Variants in NKAIN2 observed in about 807,000 individuals in gnomAD.
NKAIN2 encodes the protein sodium/potassium transporting ATPase interacting 2.
NKAIN2 carries 14 observed loss-of-function variants against 32.6 expected under a neutral mutation model. The observed-to-expected ratio is 0.43, with a 90% CI of 0.28 to 0.67. The LOEUF is 0.67. Ranked by LOEUF, NKAIN2 falls within the 30% of genes least tolerant of loss-of-function variation. NKAIN2 has a pLI of 0.17. For synonymous variants in NKAIN2, 80 were observed against 87.2 expected, an observed-to-expected ratio of 0.92 and a Z score of 0.46; for missense variants, 198 against 258.3, an observed-to-expected ratio of 0.77 and a Z score of 1.60.
At chr6:124,554,122 T>C (rs1780388615) in intron 3 of NKAIN2, among the ~76,000 whole-genome samples, 1 of 152,260 alleles carries the variant, frequency 6.6e-6, no homozygotes, top group South Asian at 2.1e-4. Flanking sequence ...ACTAAGATTA[T>C]TGTCTTTGCT....
At chr6:124,508,060 C>A (rs1778557019) in intron 3 of NKAIN2, among the ~76,000 whole-genome samples, 1 of 149,932 alleles carries the variant, frequency 6.7e-6, no homozygotes, top group Admixed American at 6.7e-5. Flanking sequence ...TGAGACCAGC[C>A]TGGGCAATAT....
At chr6:123,805,850 ATTC>A (rs148929732) in intron 1 of NKAIN2, among the ~76,000 whole-genome samples, 1,409 of 135,840 alleles carry the variant, frequency 0.01, 24 homozygotes, top group African/African-American at 0.036. Context: ...TGTGTAGATC[ATTC>A]TTATGCTCTT....
At chr6:124,719,151 T>C (rs892862348) in intron 4 of NKAIN2, among the ~76,000 whole-genome samples, 1 of 152,222 alleles carries the variant, frequency 6.6e-6, no homozygotes, top group African/African-American at 2.4e-5. Flanking sequence ...TTTTCCATAA[T>C]ATTCTTAGGA....
chr6:124,810,557 A>G (rs12529256), intron 5 of NKAIN2, among the ~76,000 whole-genome samples: 45,263 of 151,960 alleles, frequency 0.3, 7,186 homozygotes, highest in East Asian at 0.61. Flanking sequence ...TGGGTGCAGC[A>G]CACCAGCATG....
At chr6:124,505,884 G>T (rs1158516367) in intron 3 of NKAIN2, among the ~76,000 whole-genome samples, 1 of 152,020 alleles carries the variant, frequency 6.6e-6, no homozygotes, top group Non-Finnish European at 1.5e-5. Flanking sequence ...TATTAAGATT[G>T]TTTCCCGGGC....
At chr6:123,995,195 A>G (rs916995627) in intron 1 of NKAIN2, among the ~76,000 whole-genome samples, 2 of 152,234 alleles carry the variant, frequency 1.3e-5, no homozygotes, top group Non-Finnish European at 2.9e-5. Flanking sequence ...AGATGAATTC[A>G]AAAGATTTTG....
chr6:123,911,321 G>A (rs945530145), intron 1 of NKAIN2, among the ~76,000 whole-genome samples: 7 of 152,108 alleles, frequency 4.6e-5, no homozygotes, highest in Non-Finnish European at 8.8e-5. Flanking sequence ...TACTTCTGGT[G>A]AGGGCCTCAG....
chr6:124,725,498 G>C (rs1776235414), intron 4 of NKAIN2, among the ~76,000 whole-genome samples: 1 of 152,116 alleles, frequency 6.6e-6, no homozygotes, highest in African/African-American at 2.4e-5. Flanking sequence ...AGATCTTTTA[G>C]AGAAAGAATC....
chr6:124,467,302 A>G lies in NKAIN2; in HGVS notation c.273+111955A>G, dbSNP rs17051892. On this transcript the variant is annotated intron_variant, in intron 3 of 6. Coordinates refer to ENST00000368417, the MANE Select transcript of NKAIN2 (RefSeq NM_001040214.3). ...TAGAATTATCCAAGAAAACAACATC[A>G]GGAAGAAAAATTAGTTTGATGCATG... Among the ~76,000 whole-genome samples the G allele has an allele frequency of 5.6e-3, 858 of 152,236 alleles. 18 individuals are homozygous for G. Among genetic ancestry groups the G allele is most frequent in the East Asian group, 0.038 (196 of 5,178 alleles).
chr6:123,855,102 A>C (rs1775505596), intron 1 of NKAIN2, among the ~76,000 whole-genome samples: 1 of 152,222 alleles, frequency 6.6e-6, no homozygotes, highest in African/African-American at 2.4e-5. Context: ...GTATAAATGT[A>C]TTCCTTTACA....
At chr6:124,235,342 A>G (rs1348577207) in intron 1 of NKAIN2, among the ~76,000 whole-genome samples, 1 of 152,192 alleles carries the variant, frequency 6.6e-6, no homozygotes, top group Non-Finnish European at 1.5e-5. Flanking sequence ...TAATAAACAT[A>G]AAGAAGATGG....
At chr6:124,574,878 AC>A (rs1472379919) in intron 3 of NKAIN2, among the ~76,000 whole-genome samples, 2 of 152,218 alleles carry the variant, frequency 1.3e-5, no homozygotes, top group Non-Finnish European at 2.9e-5. Flanking sequence ...CTCAACTGTT[AC>A]CATCGTAAAA....
At chr6:124,580,434 G>A (rs1156427266) in intron 3 of NKAIN2, among the ~76,000 whole-genome samples, 1 of 152,056 alleles carries the variant, frequency 6.6e-6, no homozygotes, top group South Asian at 2.1e-4. Flanking sequence ...ATATTAAGTT[G>A]TCACCAGGTT....
At chr6:124,775,463 G>A (rs762758453) in intron 4 of NKAIN2, among the ~76,000 whole-genome samples, 4 of 152,146 alleles carry the variant, frequency 2.6e-5, no homozygotes, top group Non-Finnish European at 4.4e-5. Flanking sequence ...ATAAATTGAA[G>A]TCATCTCCAA....
At chr6:123,965,368 CAA>C (rs533057956) in intron 1 of NKAIN2, among the ~76,000 whole-genome samples, 16 of 152,120 alleles carry the variant, frequency 1.1e-4, no homozygotes, top group Non-Finnish European at 1.9e-4. Context: ...ATTTAGAGAT[CAA>C]GTTTGATTAA....
intron 4 of NKAIN2, chr6:124,658,595 C>CTAATTTA (rs1784630610): frequency 8.2e-7 from 1 of 1,224,220 alleles, no homozygotes; most frequent in Non-Finnish European, 1.1e-6. Context: ...TTAGTAAATA[C>CTAATTTA]CCTTTGTTAT....
chr6:124,662,779 C>A (rs1472747734), intron 4 of NKAIN2, among the ~76,000 whole-genome samples: 1 of 152,192 alleles, frequency 6.6e-6, no homozygotes, highest in Non-Finnish European at 1.5e-5. Context: ...ATGTTGTATG[C>A]ATGGGAGTGG....
intron 1 of NKAIN2, among the ~76,000 whole-genome samples, chr6:123,893,378 A>G (rs1774110478): frequency 6.6e-6 from 1 of 152,070 alleles, no homozygotes; most frequent in East Asian, 1.9e-4. Flanking sequence ...TTAAAAACAA[A>G]AATTCTTTTT....
chr6:124,453,312 C>T (rs1583276151), intron 3 of NKAIN2, among the ~76,000 whole-genome samples: 1 of 130,996 alleles, frequency 7.6e-6, no homozygotes, highest in Non-Finnish European at 1.6e-5. Flanking sequence ...CCCCCTCATA[C>T]ATGCATATAA....
Sources: allele counts gnomAD v4.1 joint callset (sites outside exome capture counted in the v4.1 genomes callset), GRCh38; gene constraint gnomAD v4.1.1; transcripts MANE v1.5; gene names NCBI Gene and HGNC (gene_info 2026-07-23, HGNC 2026-07-21).